ABCC9: variants seen among roughly 807,000 people sequenced by gnomAD.
ABCC9 encodes the protein ATP-binding cassette sub-family C member 9.
In ABCC9, 95 loss-of-function variants were observed where a neutral mutation model predicts 188.3. The observed-to-expected ratio is 0.50, with a 90% CI of 0.43 to 0.60. The LOEUF (loss-of-function observed/expected upper bound fraction) is 0.60, where lower values mean the gene tolerates loss of function less well. Ranked by LOEUF, ABCC9 falls within the 20% of genes least tolerant of loss-of-function variation. The pLI, the probability that ABCC9 is intolerant of heterozygous loss-of-function variation, is 0.00. For missense variants in ABCC9, 1,102 were observed against 1,876.3 expected, an observed-to-expected ratio of 0.59 and a Z score of 7.62; for synonymous variants, 659 against 652.7, an observed-to-expected ratio of 1.01 and a Z score of -0.15.
chr12:21,805,303 GAC>G lies in ABCC9; in HGVS notation c.4512+693_4512+694del. 6.4e-7 allele frequency: 1 copy of G among 1,554,400 alleles called. No individual in the cohort carries two copies. The highest frequency in any genetic ancestry group is 1.7e-4 in the Middle Eastern group (1 of 5,924). ...CAAGGCCTGCATCCATAATAGAAGA[GAC>G]ACGGTGCTGGAGAGAAAAATAGAAA... On this transcript the variant is annotated intron_variant, in intron 39 of 39. Transcript: ENST00000261200.
intron 31 of ABCC9, chr12:21,828,502 A>G (rs868510694): frequency 4.1e-5 from 10 of 242,586 alleles, no homozygotes; most frequent in Non-Finnish European, 6.6e-5. Flanking sequence ...CTTCTACATT[A>G]TGCAAGACAG....
rs572974577 is a variant in ABCC9 at position 21,876,213 on chromosome 12, G to A, written c.2020-487C>T. ...GTGAAAGGAGGGTCTTTAAATTTGC[G>A]ATATTATGAAGAATGCTAAAATCTC... On this transcript the variant is annotated intron_variant, in intron 16 of 39. Transcript: ENST00000261200. Among the ~76,000 whole-genome samples the A allele has an allele frequency of 2.6e-5, 4 of 152,202 alleles. No homozygotes were observed. The South Asian group carries it at 8.3e-4, about 32-fold the overall frequency.
At chr12:21,884,481 G>A (rs1013452017) in intron 15 of ABCC9, among the ~76,000 whole-genome samples, 5 of 152,160 alleles carry the variant, frequency 3.3e-5, no homozygotes, top group Non-Finnish European at 7.3e-5. Flanking sequence ...AATTGTGAAA[G>A]TTGTTGGTTT....
chr12:21,859,409 C>T (rs773238835), intron 22 of ABCC9, among the ~76,000 whole-genome samples, 177 bp downstream of exon 22: 7 of 152,094 alleles, frequency 4.6e-5, no homozygotes, highest in Non-Finnish European at 7.4e-5. Context: ...TCTCAAGATA[C>T]GTTGCTCTTC....
chr12:21,842,234 T>G, intron 29 of ABCC9, 80 bp downstream of exon 29: 5 of 1,496,054 alleles, frequency 3.3e-6, no homozygotes, highest in Non-Finnish European at 4.6e-6. Flanking sequence ...ATTTTTGATC[T>G]GTTGTTGGCA....
At chr12:21,860,817 A>G (rs1023255318) in intron 21 of ABCC9, among the ~76,000 whole-genome samples, 154 bp downstream of exon 21, 5 of 152,142 alleles carry the variant, frequency 3.3e-5, no homozygotes, top group Non-Finnish European at 5.9e-5. Flanking sequence ...GTGGCATCAA[A>G]GGACTCCCAT....
At position 21,872,668 on chromosome 12, in the gene ABCC9, G is replaced by T. The variant is rs141925577; in HGVS notation, c.2155C>A (p.Leu719Ile). 1.2e-6 allele frequency: 2 copies of T among 1,613,774 alleles called. No individual in the cohort carries two copies. Among genetic ancestry groups the T allele is most frequent in the East Asian group, 4.5e-5 (2 of 44,838 alleles). Reference protein sequence around the residue: ...CGKSSLLLAILGEMQTLEGKV... With the variant: ...CGKSSLLLAIIGEMQTLEGKV... ...CCTTCCAATGTCTGCATCTCACCGA[G>T]GATGGCAAGGAGAAGAGAGGACTTC... Residue 719 changes from leucine (L) to isoleucine (I), a missense_variant, in exon 18 of 40, where the codon CTC becomes ATC. By Grantham distance (5) the Leu-to-Ile change is conservative. Around this residue, in one of 12 missense-constraint regions of ABCC9, gnomAD observed 258 missense variants for 325.6 expected, o/e 0.79. Transcript: ENST00000261200.
intron 31 of ABCC9, among the ~76,000 whole-genome samples, chr12:21,822,058 G>A (rs1943067540): frequency 6.6e-6 from 1 of 152,070 alleles, no homozygotes; most frequent in Non-Finnish European, 1.5e-5. Context: ...GAAAGGCATA[G>A]CTTTTTGAGG....
Position 21,848,150 on chromosome 12 carries a change from CT to C in ABCC9, c.2865del (p.Glu956ArgfsTer15). On this transcript the variant is annotated frameshift_variant and splice_region_variant, in exon 25 of 40. Transcript: ENST00000261200. LOFTEE classifies it high-confidence loss of function. ...TCCAGATAAAAGAAAAAAGATCTAC[CT>C]TCGTCTTCGTCCTCCATCTGGGCTT... The part of the protein sequence containing the change: ...EAKAQMEDED[E>X]EEEEEEDEDD... 6.2e-7 allele frequency: 1 copy of C among 1,613,104 alleles called. No homozygotes were observed.
intron 24 of ABCC9, among the ~76,000 whole-genome samples, 164 bp from the exon 25 acceptor site, chr12:21,848,410 G>A (rs559687678): frequency 3.3e-5 from 5 of 152,226 alleles, no homozygotes; most frequent in African/African-American, 7.2e-5. Context: ...AGCTGTGGGG[G>A]CAGAACCTTA....
chr12:21,930,675 T>G (rs1162270940), intron 4 of ABCC9, among the ~76,000 whole-genome samples: 2 of 152,234 alleles, frequency 1.3e-5, no homozygotes, highest in Admixed American at 1.3e-4. Flanking sequence ...TTATAGCATT[T>G]TTTTTGATAA....
chr12:21,852,090 C>T lies in ABCC9; in HGVS notation c.2769+7G>A. 6.2e-7 allele frequency: 1 copy of T among 1,613,484 alleles called. No individual in the cohort carries two copies. The highest frequency in any genetic ancestry group is 8.5e-7 in the Non-Finnish European group (1 of 1,179,774). ...GCTCTGAACTCTTCTGAACTATGAG[C>T]ACTTACCTTTTCTAATTCTTGATCT... On this transcript the variant is annotated splice_region_variant and intron_variant, in intron 24 of 39. Transcript: ENST00000261200.
At chr12:21,834,213 G>C (rs950490471) in intron 30 of ABCC9, among the ~76,000 whole-genome samples, 4 of 152,024 alleles carry the variant, frequency 2.6e-5, no homozygotes, top group African/African-American at 9.7e-5. Flanking sequence ...ATGCTCACTT[G>C]ATTAACTCCA....
chr12:21,887,293 G>A (rs376888257), intron 15 of ABCC9, among the ~76,000 whole-genome samples: 2 of 152,062 alleles, frequency 1.3e-5, no homozygotes, highest in Admixed American at 6.6e-5. Flanking sequence ...CAAGATTCAA[G>A]TTTTAATTCT....
rs1360363021 is a variant in ABCC9, at chr12:21,845,624, G to T, written c.3075C>A (p.Asn1025Lys). Residue 1025 changes from asparagine (N) to lysine (K), a missense_variant, in exon 26 of 40, where the codon AAC becomes AAA. Physicochemically the swap from Asn to Lys is moderately conservative, Grantham distance 94. Transcript: ENST00000261200. ...LATWTSEYSI[N>K]NTGKADQTYY... Reference sequence around the variant, plus strand: ...GTACCTGATCAGCTTTTCCAGTATTGTTTATACTGTACTCCGATGTCCATG... The same window carrying T: ...GTACCTGATCAGCTTTTCCAGTATTTTTTATACTGTACTCCGATGTCCATG... The T allele has an allele frequency of 6.2e-7, 1 of 1,613,134 alleles. No homozygotes were observed. Among genetic ancestry groups the T allele is most frequent in the East Asian group, 2.2e-5 (1 of 44,852 alleles).
chr12:21,878,065 G>A (rs1946452068), intron 16 of ABCC9, among the ~76,000 whole-genome samples: 1 of 152,146 alleles, frequency 6.6e-6, no homozygotes, highest in South Asian at 2.1e-4. Context: ...TGGGTACCAG[G>A]ATTTTGTTGT....
intron 31 of ABCC9, among the ~76,000 whole-genome samples, chr12:21,820,983 C>A (rs1943004128): frequency 1.3e-5 from 2 of 152,166 alleles, no homozygotes; most frequent in Admixed American, 1.3e-4. Context: ...ATTATTATCT[C>A]CAGCAATAGG....
At chr12:21,844,384 A>G (rs369319277) in intron 28 of ABCC9, 99 bp downstream of exon 28, 1 of 1,003,132 alleles carries the variant, frequency 1.0e-6, no homozygotes, top group East Asian at 2.4e-5. Context: ...AATTTCAGAA[A>G]TCCTCTATTG....
chr12:21,914,996 T>G (rs2137906513), intron 7 of ABCC9, among the ~76,000 whole-genome samples: 2 of 150,396 alleles, frequency 1.3e-5, no homozygotes, highest in East Asian at 2.0e-4. Context: ...CGCCTCCCGG[T>G]TTCAAGCAAT....
Sources: allele counts gnomAD v4.1 joint callset (sites outside exome capture counted in the v4.1 genomes callset), GRCh38; gene constraint gnomAD v4.1.1; regional missense constraint gnomAD v4.1.1; transcripts MANE v1.5; gene names NCBI Gene and HGNC (gene_info 2026-07-23, HGNC 2026-07-21).